The following DNAJB6 variants were observed in gnomAD, a reference collection of about 807,000 sequenced individuals.
DNAJB6 encodes the protein DnaJ heat shock protein family (Hsp40) member B6.
A neutral mutation model predicts 42.7 loss-of-function variants in DNAJB6; 16 were observed. The ratio of observed to expected loss-of-function variants is 0.37; its 90% confidence interval spans 0.25 to 0.57. The LOEUF (loss-of-function observed/expected upper bound fraction) is 0.57. DNAJB6 is among the 20% of genes least tolerant of loss of function. The probability of loss-of-function intolerance (pLI) is 0.74; values close to 1 mark genes in which losing one functional copy is unlikely to be tolerated. For missense variants in DNAJB6, 347 were observed against 416.8 expected (o/e 0.83, Z 1.46); for synonymous variants, 170 against 163.5 (o/e 1.04, Z -0.30).
chr7:157,399,512 A>G (rs1331733814), intron 8 of DNAJB6, among the ~76,000 whole-genome samples: 1 of 152,204 alleles, frequency 6.6e-6, no homozygotes, highest in African/African-American at 2.4e-5. Flanking sequence ...CAGTGCTGGG[A>G]TGGCGGCACA....
chr7:157,398,645 T>G (rs1346841243), intron 8 of DNAJB6, among the ~76,000 whole-genome samples: 10 of 152,212 alleles, frequency 6.6e-5, no homozygotes. Context: ...GCAGATCTTG[T>G]TTCTGTTTTT....
chr7:157,340,476 T>C (rs1251345480), intron 1 of DNAJB6, among the ~76,000 whole-genome samples: 1 of 148,528 alleles, frequency 6.7e-6, no homozygotes, highest in African/African-American at 2.6e-5. Context: ...GAAACGATGA[T>C]GTAGGAATGG....
At chr7:157,373,895 T>A (rs1800341895) in intron 5 of DNAJB6, among the ~76,000 whole-genome samples, 3 of 152,050 alleles carry the variant, frequency 2.0e-5, no homozygotes, top group Admixed American at 6.6e-5. Flanking sequence ...AAACATCACA[T>A]ACTAAGCCAG....
At chr7:157,385,125 C>G in intron 7 of DNAJB6, 117 bp downstream of exon 7, 1 of 1,101,694 alleles carries the variant, frequency 9.1e-7, no homozygotes, top group Non-Finnish European at 1.3e-6. Flanking sequence ...AATCTGGCGC[C>G]ATGAAAATCT....
chr7:157,371,889 T>G (rs1408388766), intron 5 of DNAJB6, among the ~76,000 whole-genome samples: 1 of 152,212 alleles, frequency 6.6e-6, no homozygotes, highest in Non-Finnish European at 1.5e-5. Flanking sequence ...CACATTTTAT[T>G]TATATTCTTG....
intron 5 of DNAJB6, chr7:157,380,422 G>C (rs972724632): frequency 6.6e-6 from 1 of 152,180 alleles, no homozygotes; most frequent in Non-Finnish European, 1.5e-5. Flanking sequence ...TCTTGTCTTT[G>C]AATAGAACAG....
chr7:157,366,409 C>T (rs939243859), intron 3 of DNAJB6, 93 bp from the exon 4 acceptor site: 78 of 1,199,234 alleles, frequency 6.5e-5, no homozygotes, highest in South Asian at 9.2e-5. Flanking sequence ...TGTAAAACAT[C>T]GAAAACTGAT....
intron 8 of DNAJB6, among the ~76,000 whole-genome samples, chr7:157,406,649 C>A (rs1482365859): frequency 6.6e-6 from 1 of 152,190 alleles, no homozygotes; most frequent in Admixed American, 6.5e-5. Flanking sequence ...GAGCCTGCAC[C>A]TTTCTCCCCC....
intron 1 of DNAJB6, among the ~76,000 whole-genome samples, chr7:157,343,750 T>G (rs1364659837): frequency 1.3e-5 from 2 of 152,192 alleles, no homozygotes; most frequent in Non-Finnish European, 2.9e-5. Context: ...ACGCCTAATC[T>G]TTATGTGACG....
chr7:157,378,657 A>G (rs1446452766), intron 5 of DNAJB6: 4 of 152,222 alleles, frequency 2.6e-5, no homozygotes, highest in East Asian at 3.8e-4. Flanking sequence ...ACGCTCAGCA[A>G]CTTAGTTCCA....
At chr7:157,386,883 C>CA (rs112149325) in intron 8 of DNAJB6, among the ~76,000 whole-genome samples, 6,196 of 132,802 alleles carry the variant, frequency 0.047, 184 homozygotes, top group African/African-American at 0.088. Flanking sequence ...GCCTTCATCT[C>CA]AAAAAAAAAA....
chr7:157,372,761 C>G (rs1254444515), intron 5 of DNAJB6, among the ~76,000 whole-genome samples: 30 of 152,124 alleles, frequency 2.0e-4, no homozygotes, highest in Non-Finnish European at 4.4e-4. Context: ...TGTACCATCT[C>G]CCAGTCCTGG....
intron 1 of DNAJB6, chr7:157,337,757 G>C (rs1378292416): frequency 6.6e-6 from 1 of 152,278 alleles, no homozygotes; most frequent in Non-Finnish European, 1.5e-5. Context: ...CTGCACCGTA[G>C]TTGATGCAAC....
intron 2 of DNAJB6, among the ~76,000 whole-genome samples, chr7:157,359,933 A>T (rs1156464321): frequency 6.6e-6 from 1 of 152,234 alleles, no homozygotes; most frequent in Non-Finnish European, 1.5e-5. Context: ...TGATGCTGTC[A>T]CTAGTAGAGT....
At chr7:157,405,345 C>G (rs1022600271) in intron 8 of DNAJB6, among the ~76,000 whole-genome samples, 1 of 152,182 alleles carries the variant, frequency 6.6e-6, no homozygotes, top group Non-Finnish European at 1.5e-5. Context: ...GCGCCTGCTT[C>G]CAGGCTGTGC....
chr7:157,412,767 C>G (rs1275274381), intron 9 of DNAJB6: 1 of 152,384 alleles, frequency 6.6e-6, no homozygotes, highest in South Asian at 2.1e-4. Flanking sequence ...GTCCCTGAAT[C>G]GAGCAGGTCC....
At chr7:157,400,252 C>CCCCGTGCCTTCGTGTACGCACTTGTACG (rs1554467425) in intron 8 of DNAJB6, among the ~76,000 whole-genome samples, 52 of 41,534 alleles carry the variant, frequency 1.3e-3, no homozygotes, top group South Asian at 2.9e-3. Context: ...GTGCTCGCGT[C>CCCCGTGCCTTCGTGTACGCACTTGTACG]TAGGGAGTTC....
At chr7:157,373,133 C>G (rs1292363878) in intron 5 of DNAJB6, among the ~76,000 whole-genome samples, 1 of 147,024 alleles carries the variant, frequency 6.8e-6, no homozygotes, top group South Asian at 2.1e-4. Flanking sequence ...ATGATTTCAT[C>G]TTAACTTGAT....
At chr7:157,354,741 A>G (rs955974327) in intron 1 of DNAJB6, among the ~76,000 whole-genome samples, 1 of 152,196 alleles carries the variant, frequency 6.6e-6, no homozygotes, top group Non-Finnish European at 1.5e-5. Context: ...TGGTGAAGAT[A>G]AAGAACAGTG....
Sources: allele counts gnomAD v4.1 joint callset (sites outside exome capture counted in the v4.1 genomes callset), GRCh38; gene constraint gnomAD v4.1.1; transcripts MANE v1.5; gene names NCBI Gene and HGNC (gene_info 2026-07-23, HGNC 2026-07-21).